The following HMCN1 variants were observed in gnomAD, a reference collection of about 807,000 sequenced individuals.
HMCN1 encodes the protein hemicentin-1.
Under a neutral mutation model 625.9 loss-of-function variants are expected in HMCN1, and 321 were observed. The observed-to-expected ratio is 0.51, with a 90% CI of 0.47 to 0.56. HMCN1 has a LOEUF of 0.56. Ranked by LOEUF, HMCN1 falls within the 20% of genes least tolerant of loss-of-function variation. The pLI, the probability that HMCN1 is intolerant of heterozygous loss-of-function variation, is 0.00. For missense variants in HMCN1, 6,588 were observed against 6,887.3 expected (o/e 0.96, Z 1.54); for synonymous variants, 2,425 against 2,417.6 (o/e 1.00, Z -0.09).
chr1:186,010,846 T>C (rs371268548), intron 30 of HMCN1, among the ~76,000 whole-genome samples: 7 of 152,280 alleles, frequency 4.6e-5, no homozygotes, highest in African/African-American at 9.6e-5. Flanking sequence ...TAGATACTTA[T>C]AAGAAAGAAA....
chr1:186,040,286 A>G (rs572119470), intron 39 of HMCN1, among the ~76,000 whole-genome samples: 1 of 152,290 alleles, frequency 6.6e-6, no homozygotes, highest in African/African-American at 2.4e-5. Context: ...CAGAGCATAT[A>G]TACTTCTACA....
At chr1:185,904,898 A>G (rs1666011953) in intron 4 of HMCN1, among the ~76,000 whole-genome samples, 1 of 151,782 alleles carries the variant, frequency 6.6e-6, no homozygotes. Context: ...CACCTAATCA[A>G]CTTTCTACCA....
Position 185,933,550 on chromosome 1 carries a change from G to T in HMCN1, c.1554G>T (p.Glu518Asp). The T allele has an allele frequency of 6.2e-7, 1 of 1,613,822 alleles. No homozygotes were observed. The highest frequency in any genetic ancestry group is 1.1e-5 in the South Asian group (1 of 91,078). Residue 518 changes from glutamate (E) to aspartate (D), a missense_variant and splice_region_variant, in exon 11 of 107, where the codon GAG becomes GAT. This residue lies in a region of HMCN1 where 4,628 missense variants were observed against 4,853.1 expected (regional missense o/e 0.95). Coordinates refer to ENST00000271588, the MANE Select transcript of HMCN1 (RefSeq NM_031935.3). ...GRAQTFFDVS[E>D]PPPVIQVPNN... ...TTTGAATTTTTTGATTTCACACAGA[G>T]CCCCCTCCGGTCATCCAAGTGCCTA...
intron 1 of HMCN1, among the ~76,000 whole-genome samples, chr1:185,757,771 A>G (rs77122537): frequency 0.039 from 5,873 of 152,268 alleles, 331 homozygotes; most frequent in African/African-American, 0.13. Context: ...GGCACAATGC[A>G]TGAATGAATA....
chr1:185,783,291 A>C (rs1229569550), intron 1 of HMCN1, among the ~76,000 whole-genome samples: 1 of 152,158 alleles, frequency 6.6e-6, no homozygotes. Flanking sequence ...ATGGGTTCAA[A>C]GTTCGTCCTT....
In HMCN1 at chr1:185,772,891, C is replaced by T. The variant is rs138536961; in HGVS notation, c.268+37844C>T. 7.9e-5 allele frequency among the ~76,000 whole-genome samples: 12 copies of T among 152,188 alleles called. No individual in the cohort carries two copies. In the South Asian group the frequency reaches 1.0e-3, roughly 13 times the overall value. ...GCCCACAGAGATGAATGCTTCCTTA[C>T]GTGGCAGAAGAGCAAAAGAGTGAGC... On this transcript the variant is annotated intron_variant, in intron 1 of 106. Coordinates refer to ENST00000271588, the MANE Select transcript of HMCN1 (RefSeq NM_031935.3).
intron 34 of HMCN1, among the ~76,000 whole-genome samples, chr1:186,018,724 G>A (rs564216951): frequency 1.3e-5 from 2 of 152,002 alleles, no homozygotes; most frequent in Non-Finnish European, 2.9e-5. Context: ...TTATGTAAGC[G>A]TTTAAGGGTT....
At position 186,112,884 on chromosome 1, in the gene HMCN1, G is replaced by A; in HGVS notation, c.11062G>A (p.Ala3688Thr). The A allele has an allele frequency of 6.2e-7, 1 of 1,614,108 alleles. No homozygotes were observed. The highest frequency in any genetic ancestry group is 8.5e-7 in the Non-Finnish European group (1 of 1,179,980). The change falls in exon 72 of 107, where the codon GCC (alanine) becomes ACC (threonine). Residue 3688 changes from alanine to threonine, a missense_variant. Transcript: ENST00000271588. ...QINNADLGDT[A>T]NYTCVASNIA... Reference sequence around the variant, plus strand: ...CAACAATGCTGACCTAGGTGATACAGCCAATTATACCTGTGTTGCCAGCAA... The same window carrying A: ...CAACAATGCTGACCTAGGTGATACAACCAATTATACCTGTGTTGCCAGCAA...
At chr1:185,798,945 C>G (rs1658592066) in intron 1 of HMCN1, among the ~76,000 whole-genome samples, 1 of 152,066 alleles carries the variant, frequency 6.6e-6, no homozygotes, top group Non-Finnish European at 1.5e-5. Flanking sequence ...TGTTGTAACA[C>G]TTTTTCATAC....
In HMCN1 at chr1:186,045,614, T is replaced by A. The variant is rs190949895; in HGVS notation, c.6305-74T>A. On this transcript the variant is annotated intron_variant, in intron 40 of 106. Coordinates refer to ENST00000271588, the MANE Select transcript of HMCN1 (RefSeq NM_031935.3). ...AGAACCAATAAAGGTATTCAGTATA[T>A]GTCCTGATAATTGATGAATGTAAAC... The A allele has an allele frequency of 1.7e-3, 1,822 of 1,098,322 alleles. 10 individuals are homozygous for A. Among genetic ancestry groups the A allele is most frequent in the Non-Finnish European group, 1.2e-3 (833 of 710,782 alleles). The allele number at this position is 1,098,322 out of a possible 1,614,324, so 68.0% of individuals were successfully genotyped here.
intron 98 of HMCN1, among the ~76,000 whole-genome samples, chr1:186,165,577 G>A (rs1651826352): frequency 6.6e-6 from 1 of 152,224 alleles, no homozygotes; most frequent in Admixed American, 6.5e-5. Context: ...AGGCAGGATT[G>A]TGGACTTATG....
intron 6 of HMCN1, among the ~76,000 whole-genome samples, chr1:185,917,636 TAAACCTACA>T (rs1666785682): frequency 6.6e-6 from 1 of 152,192 alleles, no homozygotes; most frequent in Admixed American, 6.5e-5. Context: ...TGTCATTTAT[TAAACCTACA>T]AAACCTACAC....
chr1:185,939,222 G>T (rs1370075145), intron 11 of HMCN1, among the ~76,000 whole-genome samples: 1 of 152,124 alleles, frequency 6.6e-6, no homozygotes, highest in African/African-American at 2.4e-5. Context: ...AGAAACTATG[G>T]CTGTTTGAAT....
Position 186,123,202 on chromosome 1 carries a change from A to G in HMCN1, c.12481A>G (p.Thr4161Ala). 1 of 1,613,796 alleles carries G rather than the reference A, an allele frequency of 6.2e-7. No individual in the cohort carries two copies. Among genetic ancestry groups the G allele is most frequent in the Non-Finnish European group, 8.5e-7 (1 of 1,179,848 alleles). The change falls in exon 81 of 107, where the codon ACC (threonine) becomes GCC (alanine). Residue 4161 changes from threonine (T) to alanine (A), a missense_variant. Thr to Ala is a moderately conservative substitution (Grantham distance 58). This residue lies in a region of HMCN1 where 1,954 missense variants were observed against 2,013.1 expected (regional missense o/e 0.97). Transcript: ENST00000271588. The part of the protein sequence containing the change: ...ANVAGSSSTS[T>A]KLTVHVPPRI... Reference sequence around the variant, plus strand: ...TGTAGCAGGATCAAGCAGCACAAGCACCAAGCTCACCGTCCATGGTAGGTT... The same window carrying G: ...TGTAGCAGGATCAAGCAGCACAAGCGCCAAGCTCACCGTCCATGGTAGGTT...
chr1:185,904,578 A>AT (rs1225519106), intron 4 of HMCN1, among the ~76,000 whole-genome samples: 5 of 151,712 alleles, frequency 3.3e-5, no homozygotes, highest in Non-Finnish European at 7.4e-5. Context: ...GAAAATTGTC[A>AT]TTTTTTTCCT....
At position 185,979,138 on chromosome 1, in the gene HMCN1, A is replaced by G. The variant is rs188708254; in HGVS notation, c.2566+1157A>G. On this transcript the variant is annotated intron_variant, in intron 16 of 106. Coordinates refer to ENST00000271588, the MANE Select transcript of HMCN1 (RefSeq NM_031935.3). Reference sequence around the variant, plus strand: ...CCCTCACTCAGGTAGTTTGCAGTCCATTCTCTGAGTGGATGCCCATGAAAG... The same window carrying G: ...CCCTCACTCAGGTAGTTTGCAGTCCGTTCTCTGAGTGGATGCCCATGAAAG... 1.3e-3 allele frequency among the ~76,000 whole-genome samples: 201 copies of G among 152,286 alleles called. 2 individuals are homozygous for G. Among genetic ancestry groups the G allele is most frequent in the African/African-American group, 4.7e-3 (194 of 41,556 alleles).
At chr1:185,870,393 ACT>A (rs1229328770) in intron 4 of HMCN1, among the ~76,000 whole-genome samples, 4 of 152,102 alleles carry the variant, frequency 2.6e-5, no homozygotes, top group Non-Finnish European at 4.4e-5. Flanking sequence ...ACAAAAGATC[ACT>A]GTTATTTAGA....
At chr1:186,085,728 G>C (rs1362882655) in intron 57 of HMCN1, among the ~76,000 whole-genome samples, 1 of 151,816 alleles carries the variant, frequency 6.6e-6, no homozygotes, top group Non-Finnish European at 1.5e-5. Context: ...ATCTGTTCCT[G>C]CCATTTCTTT....
At chr1:185,824,840 AT>A (rs1236611859) in intron 1 of HMCN1, among the ~76,000 whole-genome samples, 1 of 152,078 alleles carries the variant, frequency 6.6e-6, no homozygotes, top group Non-Finnish European at 1.5e-5. Context: ...AAACTTTTTT[AT>A]TCCATCAGAG....
Sources: gnomAD v4.1 joint callset for allele counts (sites outside exome capture counted in the v4.1 genomes callset) on GRCh38, gnomAD v4.1.1 for gene constraint, gnomAD v4.1.1 regional missense constraint, MANE v1.5 for transcripts, NCBI Gene and HGNC (gene_info 2026-07-23, HGNC 2026-07-21) for gene names.